Variants in NYAP2 observed in about 807,000 individuals in gnomAD.
NYAP2 encodes the protein neuronal tyrosine-phosphorylated phosphoinositide-3-kinase adapter 2.
In NYAP2, 23 loss-of-function variants were observed where a neutral mutation model predicts 50.4. The ratio of observed to expected loss-of-function variants is 0.46; its 90% confidence interval spans 0.33 to 0.65. The LOEUF (loss-of-function observed/expected upper bound fraction) is 0.65, where lower values mean the gene tolerates loss of function less well. NYAP2 is among the 30% of genes least tolerant of loss of function. The probability of loss-of-function intolerance (pLI) is 0.02; values close to 1 mark genes in which losing one functional copy is unlikely to be tolerated. For missense variants in NYAP2, 885 were observed against 861.0 expected, an observed-to-expected ratio of 1.03 and a Z score of -0.35; for synonymous variants, 394 against 365.2, an observed-to-expected ratio of 1.08 and a Z score of -0.90.
At chr2:225,470,814 T>C (rs1460277872) in intron 3 of NYAP2, among the ~76,000 whole-genome samples, 1 of 150,014 alleles carries the variant, frequency 6.7e-6, no homozygotes, top group East Asian at 1.9e-4. Context: ...TATGTATATG[T>C]GTGTGTGTGT....
At chr2:225,570,950 A>G (rs906255101) in intron 4 of NYAP2, among the ~76,000 whole-genome samples, 3 of 152,244 alleles carry the variant, frequency 2.0e-5, no homozygotes, top group Non-Finnish European at 2.9e-5. Flanking sequence ...CATTGGGTAA[A>G]TATGCATGTT....
At chr2:225,443,769 C>G (rs1364459657) in intron 3 of NYAP2, among the ~76,000 whole-genome samples, 1 of 152,094 alleles carries the variant, frequency 6.6e-6, no homozygotes, top group African/African-American at 2.4e-5. Flanking sequence ...TTCTAAAGAA[C>G]AGCTTTATAG....
At chr2:225,588,704 A>G (rs1430200418) in intron 5 of NYAP2, among the ~76,000 whole-genome samples, 1 of 152,242 alleles carries the variant, frequency 6.6e-6, no homozygotes, top group Admixed American at 6.5e-5. Context: ...CTACTAATGT[A>G]CGCTGGCTGT....
At chr2:225,666,703 G>C in the NYAP2 span, among the ~76,000 whole-genome samples, 1 of 152,142 alleles carries the variant, frequency 6.6e-6, no homozygotes, top group Non-Finnish European at 1.5e-5. Context: ...GCTGCCCTTA[G>C]AGACAATAGA....
rs1559202450 is a variant in NYAP2, at chr2:225,518,538, AT to A, written c.523+4867del. On this transcript the variant is annotated intron_variant, in intron 4 of 6. Transcript: ENST00000636099. ...TGTGAGCTAATATATATATATATATATATATATATATATATATATATATATA... is the reference window on the plus strand; with the variant it reads ...TGTGAGCTAATATATATATATATATAATATATATATATATATATATATATA... Among the ~76,000 whole-genome samples, 17 of 60,202 alleles carry A rather than the reference AT, an allele frequency of 2.8e-4. 2 individuals are homozygous for A. Among genetic ancestry groups the A allele is most frequent in the Admixed American group, 1.7e-3 (8 of 4,640 alleles). 39.5% of individuals were successfully genotyped at this position (60,202 alleles called of 152,430 possible).
At chr2:225,569,438 A>G (rs1559217121) in intron 4 of NYAP2, among the ~76,000 whole-genome samples, 1 of 151,906 alleles carries the variant, frequency 6.6e-6, no homozygotes, top group African/African-American at 2.4e-5. Context: ...AGGAGGAGTG[A>G]GGGGGGGAGG....
the NYAP2 span, among the ~76,000 whole-genome samples, chr2:225,680,933 C>G: frequency 6.6e-6 from 1 of 152,114 alleles, no homozygotes; most frequent in Non-Finnish European, 1.5e-5. Flanking sequence ...CCAGATCTGG[C>G]TATAGCTATA....
At chr2:225,583,498 A>G (rs547728554) in intron 5 of NYAP2, among the ~76,000 whole-genome samples, 1 of 152,328 alleles carries the variant, frequency 6.6e-6, no homozygotes, top group African/African-American at 2.4e-5. Context: ...AGAATTAAAA[A>G]TGACAATCTG....
At chr2:225,628,384 C>T (rs993659360) in intron 6 of NYAP2, among the ~76,000 whole-genome samples, 3 of 133,286 alleles carry the variant, frequency 2.3e-5, no homozygotes, top group Non-Finnish European at 4.6e-5. Context: ...TGCAATGGTG[C>T]GATCTTGGCT....
At chr2:225,431,901 T>C (rs1259246927) in intron 3 of NYAP2, among the ~76,000 whole-genome samples, 1 of 152,194 alleles carries the variant, frequency 6.6e-6, no homozygotes, top group Non-Finnish European at 1.5e-5. Context: ...AAAATAATAA[T>C]TTTATAATTT....
In NYAP2 at chr2:225,591,670, C is replaced by T. The variant is rs183644553; in HGVS notation, c.1618+8635C>T. Among the ~76,000 whole-genome samples the T allele has an allele frequency of 6.0e-4, 92 of 152,224 alleles. 1 individual carries two copies. The highest frequency in any genetic ancestry group is 2.0e-3 in the African/African-American group (81 of 41,530). On this transcript the variant is annotated intron_variant, in intron 5 of 6. Coordinates refer to ENST00000636099, the Ensembl canonical transcript of NYAP2. Reference sequence around the variant, plus strand: ...ATGGAAGAAACTGAGGCACAACTCACGCAGTCACATGGGGAGTAAATCTGG... The same window carrying T: ...ATGGAAGAAACTGAGGCACAACTCATGCAGTCACATGGGGAGTAAATCTGG...
chr2:225,552,143 AT>A (rs886244678), intron 4 of NYAP2, among the ~76,000 whole-genome samples: 5 of 151,886 alleles, frequency 3.3e-5, no homozygotes, highest in Non-Finnish European at 7.4e-5. Flanking sequence ...TGTTCTTATT[AT>A]TTTGCCTCAT....
intron 2 of NYAP2, among the ~76,000 whole-genome samples, chr2:225,403,631 A>G (rs1386533036): frequency 6.6e-6 from 1 of 151,948 alleles, no homozygotes; most frequent in African/African-American, 2.4e-5. Context: ...AACCAAATTA[A>G]CAGAGGTGTC....
At position 225,409,327 on chromosome 2, in the gene NYAP2, T is replaced by C. The variant is rs146342452; in HGVS notation, c.221+226T>C. On this transcript the variant is annotated intron_variant, in intron 3 of 6. Transcript: ENST00000636099. ...TTCCTTGTGTGTGTGCATATGCAGC[T>C]ACAGACAGGATGGGGAAAAATTCAA... 2.4e-3 allele frequency among the ~76,000 whole-genome samples: 371 copies of C among 152,134 alleles called. 1 individual carries two copies. Among genetic ancestry groups the C allele is most frequent in the African/African-American group, 8.3e-3 (345 of 41,552 alleles).
the NYAP2 span, among the ~76,000 whole-genome samples, chr2:225,683,749 A>G: frequency 1.3e-5 from 2 of 152,148 alleles, no homozygotes; most frequent in African/African-American, 2.4e-5. Context: ...AAAAGAGAGC[A>G]AGATGGAAAA....
chr2:225,662,153 C>T, the NYAP2 span, among the ~76,000 whole-genome samples: 1 of 152,336 alleles, frequency 6.6e-6, no homozygotes, highest in East Asian at 1.9e-4. Context: ...ACAAATTCAA[C>T]TAGGACTTCA....
At chr2:225,509,797 C>A (rs1242115681) in intron 3 of NYAP2, among the ~76,000 whole-genome samples, 1 of 152,206 alleles carries the variant, frequency 6.6e-6, no homozygotes, top group African/African-American at 2.4e-5. Context: ...TTCCTCATGG[C>A]AAGTGCTCTC....
intron 3 of NYAP2, among the ~76,000 whole-genome samples, chr2:225,488,263 T>C (rs899179572): frequency 1.3e-5 from 2 of 152,212 alleles, no homozygotes; most frequent in South Asian, 4.1e-4. Context: ...TGATAATCCT[T>C]AACCTTTAAA....
At chr2:225,443,544 A>G (rs2106142487) in intron 3 of NYAP2, among the ~76,000 whole-genome samples, 1 of 152,288 alleles carries the variant, frequency 6.6e-6, no homozygotes, top group South Asian at 2.1e-4. Context: ...GCATAGTACA[A>G]AATGATGGTA....
Sources: gnomAD v4.1 joint callset for allele counts (sites outside exome capture counted in the v4.1 genomes callset) on GRCh38, gnomAD v4.1.1 for gene constraint, MANE v1.5 for transcripts, NCBI Gene and HGNC (gene_info 2026-07-23, HGNC 2026-07-21) for gene names.